PARD3B: variants seen among roughly 807,000 people sequenced by gnomAD.
The protein encoded by PARD3B is par-3 family cell polarity regulator beta.
Under a neutral mutation model 130.2 loss-of-function variants are expected in PARD3B, and 103 were observed. The ratio of observed to expected loss-of-function variants is 0.79; its 90% CI spans 0.67 to 0.93. The LOEUF is 0.93. Ranked by LOEUF, PARD3B falls within the 40% of genes least tolerant of loss-of-function variation. The pLI, the probability that PARD3B is intolerant of heterozygous loss-of-function variation, is 0.00. For missense variants in PARD3B, 1,609 were observed against 1,499.2 expected (o/e 1.07, Z -1.21); for synonymous variants, 583 against 553.2 (o/e 1.05, Z -0.76).
At chr2:205,168,180 G>A (rs75025348) in intron 11 of PARD3B, among the ~76,000 whole-genome samples, 24,768 of 151,954 alleles carry the variant, frequency 0.16, 2,203 homozygotes, top group Middle Eastern at 0.21. Flanking sequence ...TTTCTAGCTT[G>A]AGGATGGAGT....
At position 205,128,643 on chromosome 2, in the gene PARD3B, C is replaced by G. The variant is rs2031692191; in HGVS notation, c.1434+2906C>G. The stretch of plus-strand genomic sequence containing the variant: ...GCAAAGCTTGTAGCATAGTTTCTGG[C>G]TAATTGTAAGTTCTCAAAATACGTT... On this transcript the variant is annotated intron_variant, in intron 10 of 22. Transcript: ENST00000406610. This position sits in a 1 kb window ranked among gnomAD's most constrained non-coding sequence, Gnocchi z 4.5. 2.0e-5 allele frequency among the ~76,000 whole-genome samples: 3 copies of G among 152,110 alleles called. No homozygotes were observed. Among genetic ancestry groups the G allele is most frequent in the Non-Finnish European group, 1.5e-5 (1 of 68,024 alleles).
chr2:204,806,202 A>G (rs564932734), intron 2 of PARD3B, among the ~76,000 whole-genome samples: 1 of 152,190 alleles, frequency 6.6e-6, no homozygotes, highest in Non-Finnish European at 1.5e-5. Flanking sequence ...AACAAAAAGA[A>G]CAAAACTGGA....
Position 205,274,970 on chromosome 2 carries a change from C to G in PARD3B, c.2186-25560C>G, listed in dbSNP as rs2105812353. The stretch of plus-strand genomic sequence containing the variant: ...TTATTGTCCTGTGTTGTAAAGTGGT[C>G]TGTGGCTTCAAAGGGCTTTTATTTG... On this transcript the variant is annotated intron_variant, in intron 16 of 22. Transcript: ENST00000406610. This position sits in a 1 kb window ranked among gnomAD's most constrained non-coding sequence, Gnocchi z 4.2. Among the ~76,000 whole-genome samples the G allele has an allele frequency of 6.6e-6, 1 of 152,266 alleles. No homozygotes were observed.
At chr2:205,096,243 C>T (rs561766790) in intron 4 of PARD3B, among the ~76,000 whole-genome samples, 2 of 150,872 alleles carry the variant, frequency 1.3e-5, no homozygotes, top group South Asian at 2.1e-4. Flanking sequence ...CCTTAAAAAT[C>T]TTCTTATCCC....
Position 205,618,695 on chromosome 2 carries a change from G to A in PARD3B, c.*2882G>A, listed in dbSNP as rs1330147839. On this transcript the variant is annotated 3_prime_UTR_variant, in exon 23 of 23. Coordinates refer to ENST00000406610, the MANE Select transcript of PARD3B (RefSeq NM_001302769.2). ...AGCCCTATTTTTCTCCCTTTTTGCA[G>A]GAGTAGAGAGATGAAAGAGGACAGA... The A allele has an allele frequency of 1.3e-5, 2 of 152,086 alleles. No individual in the cohort carries two copies. Among genetic ancestry groups the A allele is most frequent in the African/African-American group, 4.8e-5 (2 of 41,394 alleles). 9.4% of individuals were successfully genotyped at this position (152,086 alleles called of 1,614,324 possible). A position where few individuals can be genotyped will look rare whatever the true frequency, so the allele number is the denominator to read the frequency against.
intron 1 of PARD3B, among the ~76,000 whole-genome samples, chr2:204,679,770 C>T (rs1214142471): frequency 6.6e-6 from 1 of 151,824 alleles, no homozygotes; most frequent in Non-Finnish European, 1.5e-5. Flanking sequence ...TGCCTATTCT[C>T]AAATGCTTTT....
intron 6 of PARD3B, among the ~76,000 whole-genome samples, chr2:205,114,252 T>C (rs1019709334): frequency 6.6e-6 from 1 of 152,156 alleles, no homozygotes; most frequent in Non-Finnish European, 1.5e-5. Flanking sequence ...GTTCTCTTGA[T>C]GGAAATTAAA....
intron 2 of PARD3B, among the ~76,000 whole-genome samples, chr2:204,910,149 T>C (rs948491406): frequency 6.6e-6 from 1 of 152,136 alleles, no homozygotes; most frequent in South Asian, 2.1e-4. Flanking sequence ...AAATGTGTAA[T>C]AGTGATCCAG....
intron 1 of PARD3B, among the ~76,000 whole-genome samples, chr2:204,607,072 A>G (rs1326735397): frequency 6.6e-6 from 1 of 152,152 alleles, no homozygotes; most frequent in Non-Finnish European, 1.5e-5. Context: ...GGACTGCAAA[A>G]TAGAATCCTT....
intron 1 of PARD3B, among the ~76,000 whole-genome samples, chr2:204,565,909 T>C (rs1391446096): frequency 6.6e-6 from 1 of 152,210 alleles, no homozygotes; most frequent in African/African-American, 2.4e-5. Context: ...ACTTCCCATT[T>C]CCTTACACAC....
At chr2:205,214,489 CAAA>C (rs58426242) in intron 15 of PARD3B, among the ~76,000 whole-genome samples, 19 of 121,230 alleles carry the variant, frequency 1.6e-4, no homozygotes, top group African/African-American at 1.2e-4. Flanking sequence ...AAGGTGATAC[CAAA>C]AAAAAAAAAA....
chr2:205,123,913 T>C (rs981703068), intron 8 of PARD3B, among the ~76,000 whole-genome samples: 2 of 152,062 alleles, frequency 1.3e-5, no homozygotes, highest in African/African-American at 2.4e-5. Flanking sequence ...GTACAAGGAA[T>C]TGAGACACAA....
intron 21 of PARD3B, among the ~76,000 whole-genome samples, chr2:205,504,168 G>T (rs923612672): frequency 6.6e-6 from 1 of 152,168 alleles, no homozygotes; most frequent in Non-Finnish European, 1.5e-5. Context: ...AATAAATGGT[G>T]CTGGGAAAAC....
chr2:205,184,618 T>G (rs2035987394), intron 13 of PARD3B, among the ~76,000 whole-genome samples: 3 of 151,982 alleles, frequency 2.0e-5, no homozygotes, highest in African/African-American at 7.3e-5. Flanking sequence ...GGCGAGCGCC[T>G]GTAGTTCCAG....
intron 2 of PARD3B, among the ~76,000 whole-genome samples, chr2:204,953,418 CACAGAGAGAGAGAGAGAGAGAGAG>C (rs1432084470): frequency 1.7e-5 from 2 of 117,520 alleles, no homozygotes; most frequent in South Asian, 3.3e-4. Flanking sequence ...CATACACACA[CACAGAGAGAGAGAGAGAGAGAGAG>C]AGAGAGAGAG....
At chr2:205,361,472 C>T (rs1440679098) in intron 18 of PARD3B, among the ~76,000 whole-genome samples, 1 of 152,176 alleles carries the variant, frequency 6.6e-6, no homozygotes, top group African/African-American at 2.4e-5. Context: ...TCTCTAACCC[C>T]ACCCTTTTAT....
intron 10 of PARD3B, among the ~76,000 whole-genome samples, chr2:205,139,625 G>A (rs1380557298): frequency 6.6e-6 from 1 of 152,018 alleles, no homozygotes; most frequent in Non-Finnish European, 1.5e-5. Context: ...TGCTACATTT[G>A]TTCATGTTTG....
chr2:204,606,433 G>A lies in PARD3B; in HGVS notation c.120+60314G>A, dbSNP rs2033728332. Among the ~76,000 whole-genome samples, 1 of 152,112 alleles carries A rather than the reference G, an allele frequency of 6.6e-6. No individual in the cohort carries two copies. Among genetic ancestry groups the A allele is most frequent in the African/African-American group, 2.4e-5 (1 of 41,432 alleles). ...TCAGTCAGGGTCCCTGGCTGATGAA[G>A]GCTCCATCTTAAACATTTTTCCATG... On this transcript the variant is annotated intron_variant, in intron 1 of 22. Coordinates refer to ENST00000406610, the MANE Select transcript of PARD3B (RefSeq NM_001302769.2). This position sits in a 1 kb window ranked among gnomAD's most constrained non-coding sequence, Gnocchi z 4.0.
intron 1 of PARD3B, among the ~76,000 whole-genome samples, chr2:204,657,638 A>G (rs987774948): frequency 6.6e-6 from 1 of 152,212 alleles, no homozygotes; most frequent in East Asian, 1.9e-4. Flanking sequence ...CTTGGCTTAT[A>G]CAAGCCATAC....
Sources: allele counts gnomAD v4.1 joint callset (sites outside exome capture counted in the v4.1 genomes callset), GRCh38; gene constraint gnomAD v4.1.1; non-coding constraint Gnocchi (gnomAD v3.1); transcripts MANE v1.5; gene names NCBI Gene and HGNC (gene_info 2026-07-23, HGNC 2026-07-21).